TDRKH: variants seen among roughly 807,000 people sequenced by gnomAD.
TDRKH encodes tudor and KH domain containing, also known as tudor and KH domain-containing protein.
In TDRKH, 28 loss-of-function variants were observed where a neutral mutation model predicts 61.3. The ratio of observed to expected loss-of-function variants is 0.46; its 90% CI spans 0.34 to 0.63. The LOEUF is 0.63. Among genes scored for constraint, TDRKH ranks in the 20% least tolerant of loss-of-function variants. The pLI, the probability that TDRKH is intolerant of heterozygous loss-of-function variation, is 0.01. For synonymous variants in TDRKH, 219 were observed against 244.4 expected, an observed-to-expected ratio of 0.90 and a Z score of 0.97; for missense variants, 540 against 683.4, an observed-to-expected ratio of 0.79 and a Z score of 2.34.
At chr1:151,769,121 T>C (rs1648489604), downstream of TDRKH, among the ~76,000 whole-genome samples, 1 of 151,912 alleles carries the variant, frequency 6.6e-6, no homozygotes, top group Non-Finnish European at 1.5e-5. Context: ...ATTTCCCCCT[T>C]TTCTATTCGA....
rs764470975 is a variant in TDRKH, at chr1:151,779,047, T to G, written c.562-41A>C. On this transcript the variant is annotated intron_variant, in intron 5 of 12. Coordinates refer to ENST00000368824, the MANE Select transcript of TDRKH (RefSeq NM_001083965.2). The stretch of plus-strand genomic sequence containing the variant: ...GAAAGGATGATATTCTGACCTGGGA[T>G]AGAGTAAAAGGATCTTCTCATGCTC... The G allele has an allele frequency of 1.9e-6, 3 of 1,612,152 alleles. No homozygotes were observed. The African/African-American group carries it at 4.0e-5, about 22-fold the overall frequency.
rs1207869185 is a variant in TDRKH at position 151,775,425 on chromosome 1, T to C, written c.1401A>G (p.Pro467=). 3 of 1,614,034 alleles carry C rather than the reference T, an allele frequency of 1.9e-6. No individual in the cohort carries two copies. Among genetic ancestry groups the C allele is most frequent in the Non-Finnish European group, 2.5e-6 (3 of 1,179,972 alleles). Residue 467 remains proline, a synonymous_variant, in exon 10 of 13, where the codon CCA becomes CCG. Coordinates refer to ENST00000368824, the MANE Select transcript of TDRKH (RefSeq NM_001083965.2). ...TGCTAGTATCATATAAGTAGATCTT[T>C]GGCCAAGTTGAGATCCCAGTCTGGA... ...SYVQTGISTW[P]KIYLYDTSNG...
At chr1:151,779,878 A>T in intron 4 of TDRKH, 73 bp downstream of exon 4, 1 of 1,469,506 alleles carries the variant, frequency 6.8e-7, no homozygotes, top group Non-Finnish European at 9.2e-7. Flanking sequence ...GCCAGAAAAA[A>T]CCCTGGGAAG....
At chr1:151,774,903 G>T in intron 11 of TDRKH, 97 bp from the exon 12 acceptor site, 1 of 1,449,806 alleles carries the variant, frequency 6.9e-7, no homozygotes, top group Admixed American at 1.8e-5. Flanking sequence ...GGTTAAGGCA[G>T]TTGCATTTGG....
At chr1:151,768,524 A>C (rs561995805), downstream of TDRKH, among the ~76,000 whole-genome samples, 37 of 152,336 alleles carry the variant, frequency 2.4e-4, no homozygotes, top group African/African-American at 8.9e-4. Context: ...AGTGATGTGC[A>C]ATCTCTTGGC....
chr1:151,781,769 G>C (rs1429356442), intron 2 of TDRKH, 182 bp from the exon 3 acceptor site: 2 of 573,194 alleles, frequency 3.5e-6, no homozygotes, highest in Non-Finnish European at 6.2e-6. Context: ...CAAAGGATCA[G>C]AGATGGGCAT....
At chr1:151,784,704 C>T (rs1201774563) in intron 1 of TDRKH, among the ~76,000 whole-genome samples, 1 of 152,070 alleles carries the variant, frequency 6.6e-6, no homozygotes, top group Non-Finnish European at 1.5e-5. Flanking sequence ...GTCCTTCGCC[C>T]TCTTCTCTGT....
intron 4 of TDRKH, 99 bp downstream of exon 4, chr1:151,779,852 G>A: frequency 7.8e-7 from 1 of 1,277,040 alleles, no homozygotes; most frequent in Non-Finnish European, 1.1e-6. Context: ...CCCCTCACAT[G>A]GTGAAGGGGA....
At chr1:151,783,098 T>G (rs1003044350) in intron 1 of TDRKH, 49 bp from the exon 2 acceptor site, 1 of 1,555,904 alleles carries the variant, frequency 6.4e-7, no homozygotes, top group Non-Finnish European at 8.7e-7. Flanking sequence ...CCAATCCTTT[T>G]ATGAATAGCA....
In TDRKH at chr1:151,780,157, AT is replaced by A; in HGVS notation, c.232-18del. On this transcript the variant is annotated intron_variant, in intron 3 of 12. Transcript: ENST00000368824. The stretch of plus-strand genomic sequence containing the variant: ...TTTCCGCAGCTGCAAAGAAAAGGAC[AT>A]TTGGCAGTACATTCTGGAAGAGCTC... The A allele has an allele frequency of 6.2e-7, 1 of 1,604,408 alleles. No individual in the cohort carries two copies. Among genetic ancestry groups the A allele is most frequent in the Non-Finnish European group, 8.5e-7 (1 of 1,172,086 alleles).
chr1:151,778,531 C>G, intron 6 of TDRKH, 154 bp downstream of exon 6: 1 of 1,541,478 alleles, frequency 6.5e-7, no homozygotes, highest in Non-Finnish European at 9.0e-7. Context: ...CTACCTCCAT[C>G]CCATCTTCAA....
At chr1:151,771,708 A>G, downstream of TDRKH, 1 of 385,772 alleles carries the variant, frequency 2.6e-6, no homozygotes, top group Non-Finnish European at 4.6e-6. Flanking sequence ...AGGGCATTCC[A>G]GGCAGCAGGA....
intron 2 of TDRKH, 102 bp downstream of exon 2, chr1:151,782,797 C>T (rs1015443485): frequency 7.0e-7 from 1 of 1,424,210 alleles, no homozygotes; most frequent in African/African-American, 1.5e-5. Flanking sequence ...AACCCCAAAA[C>T]AAAACACACA....
chr1:151,780,583 G>C (rs529943007), intron 3 of TDRKH, among the ~76,000 whole-genome samples: 5 of 152,158 alleles, frequency 3.3e-5, no homozygotes, highest in African/African-American at 4.8e-5. Flanking sequence ...AGGCGCGGTG[G>C]CTCACGCCTC....
rs1254866607 is a variant in TDRKH at position 151,776,588 on chromosome 1, C to A, written c.895G>T (p.Asp299Tyr). 1.2e-6 allele frequency: 2 copies of A among 1,614,038 alleles called. No homozygotes were observed. Among genetic ancestry groups the A allele is most frequent in the East Asian group, 2.2e-5 (1 of 44,882 alleles). ...EMPMFEIPSP[D>Y]FSFHADEYLE... ...TACTCATCAGCATGAAAACTGAAGT[C>A]AGGACTGGGGACTGAACACAGAGAT... The change falls in exon 7 of 13, where the codon GAC becomes TAC. Residue 299 changes from aspartate (D) to tyrosine (Y), a missense_variant. This residue lies in a region of TDRKH where 379 missense variants were observed against 443.8 expected (regional missense o/e 0.85). Coordinates refer to ENST00000368824, the MANE Select transcript of TDRKH (RefSeq NM_001083965.2).
chr1:151,775,511 A>G lies in TDRKH; in HGVS notation c.1315T>C (p.Phe439Leu). The change falls in exon 10 of 13, where the codon TTT (phenylalanine) becomes CTT (leucine). Residue 439 changes from phenylalanine to leucine, a missense_variant. By Grantham distance (22) the Phe-to-Leu change is conservative. Coordinates refer to ENST00000368824, the MANE Select transcript of TDRKH (RefSeq NM_001083965.2). ...DQWEEEALDE[F>L]DRLTHCADWK... ...TCAGCACAATGAGTGAGTCTATCAA[A>G]CTCATCCAAAGCTTCCTCTTCCCAC... 1 of 1,613,856 alleles carries G rather than the reference A, an allele frequency of 6.2e-7. No homozygotes were observed. The highest frequency in any genetic ancestry group is 8.5e-7 in the Non-Finnish European group (1 of 1,179,932).
chr1:151,782,849 C>T (rs769806593), intron 2 of TDRKH, 50 bp downstream of exon 2: 32 of 1,504,944 alleles, frequency 2.1e-5, no homozygotes, highest in Non-Finnish European at 2.8e-5. Flanking sequence ...TTTAACAAGG[C>T]AGGAGCATGT....
At chr1:151,781,896 G>C (rs545863717) in intron 2 of TDRKH, 1 of 450,114 alleles carries the variant, frequency 2.2e-6, no homozygotes, top group South Asian at 1.7e-5. Context: ...GAAGAATGAA[G>C]GCCAAAAGTT....
chr1:151,781,661 AAT>A, intron 2 of TDRKH, 74 bp from the exon 3 acceptor site: 5 of 1,340,294 alleles, frequency 3.7e-6, no homozygotes, highest in Non-Finnish European at 4.2e-6. Flanking sequence ...TCCTCCCCAG[AAT>A]CTGGCTGTCA....
Sources: gnomAD v4.1 joint callset for allele counts (sites outside exome capture counted in the v4.1 genomes callset) on GRCh38, gnomAD v4.1.1 for gene constraint, gnomAD v4.1.1 regional missense constraint, MANE v1.5 for transcripts, NCBI Gene and HGNC (gene_info 2026-07-23, HGNC 2026-07-21) for gene names.